The following RNF41 variants were observed in gnomAD, a reference collection of about 807,000 sequenced individuals.
The protein encoded by RNF41 is ring finger protein 41, also known as E3 ubiquitin-protein ligase NRDP1.
A neutral mutation model predicts 33.0 loss-of-function variants in RNF41; 4 were observed. The observed-to-expected ratio is 0.12, with a 90% CI of 0.06 to 0.28. The LOEUF (loss-of-function observed/expected upper bound fraction) is 0.28. Ranked by LOEUF, RNF41 falls within the 10% of genes least tolerant of loss-of-function variation. The pLI, the probability that RNF41 is intolerant of heterozygous loss-of-function variation, is 1.00. For synonymous variants in RNF41, 164 were observed against 153.2 expected, an observed-to-expected ratio of 1.07 and a Z score of -0.52; for missense variants, 228 against 432.6, an observed-to-expected ratio of 0.53 and a Z score of 4.19.
In RNF41 at chr12:56,206,312, GC is replaced by G. The variant is rs1868263887; in HGVS notation, c.*134del. The G allele has an allele frequency of 1.3e-6, 1 of 796,222 alleles. No homozygotes were observed. Among genetic ancestry groups the G allele is most frequent in the African/African-American group, 1.7e-5 (1 of 58,194 alleles). 49.3% of individuals were successfully genotyped at this position (796,222 alleles called of 1,614,324 possible). A position where few individuals can be genotyped will look rare whatever the true frequency, so the allele number is the denominator to read the frequency against. The stretch of plus-strand genomic sequence containing the variant: ...GCAAACTACCCCAAGGCCCTTCAGT[GC>G]CAGAAGGGCAGGGAGATGTGTGGCT... On this transcript the variant is annotated 3_prime_UTR_variant, in exon 7 of 7. Coordinates refer to ENST00000345093, the MANE Select transcript of RNF41 (RefSeq NM_005785.4). This position sits in a 1 kb window ranked among gnomAD's most constrained non-coding sequence, Gnocchi z 5.7.
rs1868264524 is a variant in RNF41 at position 56,206,380 on chromosome 12, G to A, written c.*67C>T. 2.2e-6 allele frequency: 3 copies of A among 1,342,768 alleles called. No homozygotes were observed. The highest frequency in any genetic ancestry group is 1.0e-6 in the Non-Finnish European group (1 of 960,104). The allele number at this position is 1,342,768 out of a possible 1,614,324, so 83.2% of individuals were successfully genotyped here. On this transcript the variant is annotated 3_prime_UTR_variant, in exon 7 of 7. Transcript: ENST00000345093. This position sits in a 1 kb window ranked among gnomAD's most constrained non-coding sequence, Gnocchi z 5.7. Reference sequence around the variant, plus strand: ...TATTAAGAATGGTGGGTAGGACTCAGGTCCCAGCTGCTGGAGTGATGGGAT... The same window carrying A: ...TATTAAGAATGGTGGGTAGGACTCAAGTCCCAGCTGCTGGAGTGATGGGAT...
At chr12:56,218,006 T>C (rs1419133877) in intron 1 of RNF41, among the ~76,000 whole-genome samples, 1 of 152,092 alleles carries the variant, frequency 6.6e-6, no homozygotes, top group Non-Finnish European at 1.5e-5. Flanking sequence ...TAGGCTAGAG[T>C]GCAATGGCGC....
Position 56,207,752 on chromosome 12 carries a change from G to A in RNF41, c.499-3C>T. On this transcript the variant is annotated splice_region_variant and splice_polypyrimidine_tract_variant and intron_variant, in intron 5 of 6. Transcript: ENST00000345093. Reference sequence around the variant, plus strand: ...TTTAGCAGCTGGATGTCTCGCTTCTGTTGTGGGGAAGAAGAACAGGAATAA... The same window carrying A: ...TTTAGCAGCTGGATGTCTCGCTTCTATTGTGGGGAAGAAGAACAGGAATAA... 6.2e-7 allele frequency: 1 copy of A among 1,611,426 alleles called. No homozygotes were observed.
intron 5 of RNF41, 112 bp downstream of exon 5, chr12:56,208,051 G>C: frequency 2.3e-6 from 3 of 1,299,356 alleles, no homozygotes; most frequent in Non-Finnish European, 3.3e-6. Flanking sequence ...CACTCATCTA[G>C]GCTCACAAGT....
At chr12:56,212,350 T>G (rs1868544539) in intron 3 of RNF41, among the ~76,000 whole-genome samples, 2 of 152,322 alleles carry the variant, frequency 1.3e-5, no homozygotes, top group Non-Finnish European at 1.5e-5. Context: ...AATTATGATG[T>G]GGGGAAATCA....
intron 3 of RNF41, among the ~76,000 whole-genome samples, chr12:56,211,575 G>T (rs1049629154): frequency 6.6e-6 from 1 of 152,022 alleles, no homozygotes; most frequent in African/African-American, 2.4e-5. Context: ...GCTCAATCAC[G>T]GCAGGTATTT....
chr12:56,210,315 G>T lies in RNF41; in HGVS notation c.344C>A (p.Thr115Asn), dbSNP rs1333039606. ...DCEHNPKRPV[T>N]CEQGCGLEMP... ...ATCTCACCCACAGCCCTGTTCACAG[G>T]TCACAGGCCGCTTCGGGTTGTGCTC... Residue 115 changes from threonine to asparagine, a missense_variant, in exon 4 of 7, where the codon ACC (threonine) becomes AAC (asparagine). Transcript: ENST00000345093. 6.2e-7 allele frequency: 1 copy of T among 1,613,774 alleles called. No individual in the cohort carries two copies. Among genetic ancestry groups the T allele is most frequent in the Non-Finnish European group, 8.5e-7 (1 of 1,179,676 alleles).
chr12:56,207,604 T>G (rs1306552786), intron 6 of RNF41, 42 bp downstream of exon 6: 1 of 1,424,912 alleles, frequency 7.0e-7, no homozygotes, highest in Admixed American at 1.7e-5. Context: ...CAGGCCTTGT[T>G]GTCAGGACAT....
In RNF41 at chr12:56,207,323, C is replaced by T. The variant is rs1467469978; in HGVS notation, c.602+323G>A. 6.1e-6 allele frequency: 8 copies of T among 1,312,246 alleles called. No homozygotes were observed. In the Admixed American group the frequency reaches 1.3e-4, roughly 22 times the overall value. The allele number at this position is 1,312,246 out of a possible 1,614,324, so 81.3% of individuals were successfully genotyped here. On this transcript the variant is annotated intron_variant, in intron 6 of 6. Transcript: ENST00000345093. ...GGTTGTAAGCTACCTGAAGACAGGACGATATCTTCTATTTCTTTTTGGCCC... is the reference window on the plus strand; with the variant it reads ...GGTTGTAAGCTACCTGAAGACAGGATGATATCTTCTATTTCTTTTTGGCCC...
chr12:56,206,927 T>A lies in RNF41; in HGVS notation c.603-129A>T, dbSNP rs970541998. The stretch of plus-strand genomic sequence containing the variant: ...TATTCTTCCTTCTTTCCTTCCATCA[T>A]TGGCTCAGAAACCCCAAATCTTTCC... On this transcript the variant is annotated intron_variant, in intron 6 of 6. Transcript: ENST00000345093. The surrounding 1 kb of genome is among the most constrained non-coding windows in gnomAD (Gnocchi z 5.7). 3.2e-6 allele frequency: 3 copies of A among 938,916 alleles called. 1 individual carries two copies. The South Asian group carries it at 5.3e-5, about 17-fold the overall frequency. The allele number at this position is 938,916 out of a possible 1,614,324, so 58.2% of individuals were successfully genotyped here.
chr12:56,211,915 T>G (rs983770835), intron 3 of RNF41, among the ~76,000 whole-genome samples: 1 of 152,048 alleles, frequency 6.6e-6, no homozygotes, highest in Non-Finnish European at 1.5e-5. Context: ...GAGCTTGCAG[T>G]GAGCCAAGAT....
intron 1 of RNF41, among the ~76,000 whole-genome samples, chr12:56,221,162 C>T (rs1869386261): frequency 1.3e-5 from 2 of 152,110 alleles, no homozygotes; most frequent in African/African-American, 4.8e-5. Flanking sequence ...ACCCAATTTC[C>T]CAAAGTCCTG....
chr12:56,206,859 T>A lies in RNF41; in HGVS notation c.603-61A>T. On this transcript the variant is annotated intron_variant, in intron 6 of 6. Transcript: ENST00000345093. The surrounding 1 kb of genome is among the most constrained non-coding windows in gnomAD (Gnocchi z 5.7). ...CATCTCCTTTCTCTGTATTGGCTTT[T>A]TCTGCTAATAGAAATAACTACCCAC... is the stretch of plus-strand genomic sequence containing the variant. The A allele has an allele frequency of 7.9e-7, 1 of 1,261,996 alleles. No individual in the cohort carries two copies. The highest frequency in any genetic ancestry group is 1.1e-6 in the Non-Finnish European group (1 of 907,254). The allele number at this position is 1,261,996 out of a possible 1,614,324, so 78.2% of individuals were successfully genotyped here. A position where few individuals can be genotyped will look rare whatever the true frequency, so the allele number is the denominator to read the frequency against.
At chr12:56,218,688 A>G (rs1212314196) in intron 1 of RNF41, among the ~76,000 whole-genome samples, 1 of 148,592 alleles carries the variant, frequency 6.7e-6, no homozygotes, top group African/African-American at 2.4e-5. Context: ...TAATATATAC[A>G]TATTTATTAT....
rs1868264688 is a variant in RNF41, at chr12:56,206,392, T to A, written c.*55A>T. On this transcript the variant is annotated 3_prime_UTR_variant, in exon 7 of 7. Transcript: ENST00000345093. This position sits in a 1 kb window ranked among gnomAD's most constrained non-coding sequence, Gnocchi z 5.7. ...TGGGTAGGACTCAGGTCCCAGCTGC[T>A]GGAGTGATGGGATTTTCTGATTTCC... The A allele has an allele frequency of 2.1e-6, 3 of 1,450,352 alleles. No homozygotes were observed. The South Asian group carries it at 3.8e-5, about 18-fold the overall frequency. The allele number at this position is 1,450,352 out of a possible 1,614,324, so 89.8% of individuals were successfully genotyped here. A position where few individuals can be genotyped will look rare whatever the true frequency, so the allele number is the denominator to read the frequency against.
At position 56,215,227 on chromosome 12, in the gene RNF41, G is replaced by A. The variant is rs780792583; in HGVS notation, c.-23-1157C>T. Among the ~76,000 whole-genome samples the A allele has an allele frequency of 3.0e-4, 45 of 152,352 alleles. 2 individuals are homozygous for A. Among genetic ancestry groups the A allele is most frequent in the Non-Finnish European group, 8.8e-5 (6 of 68,034 alleles). The stretch of plus-strand genomic sequence containing the variant: ...TGGAGAGGCAAGCAAGGGCCATGCT[G>A]TGAAAAGTCTGTGAGGATTTTGGAC... On this transcript the variant is annotated intron_variant, in intron 2 of 6. Transcript: ENST00000345093.
At chr12:56,215,500 C>A (rs1357964404) in intron 2 of RNF41, among the ~76,000 whole-genome samples, 1 of 151,766 alleles carries the variant, frequency 6.6e-6, no homozygotes, top group South Asian at 2.1e-4. Context: ...GCAGACGGAT[C>A]ATGAGGTCAA....
Position 56,206,588 on chromosome 12 carries a change from G to A in RNF41, c.813C>T (p.Tyr271=), listed in dbSNP as rs768400665. 9.3e-6 allele frequency: 15 copies of A among 1,614,058 alleles called. 1 individual carries two copies. The East Asian group carries it at 3.3e-4, about 36-fold the overall frequency. Residue 271 remains tyrosine (Y), a synonymous_variant, in exon 7 of 7, where the codon TAC becomes TAT. Coordinates refer to ENST00000345093, the MANE Select transcript of RNF41 (RefSeq NM_005785.4). The surrounding 1 kb of genome is among the most constrained non-coding windows in gnomAD (Gnocchi z 5.7). Reference sequence around the variant, plus strand: ...TGCGCTTGGCCACGTAGTTCTCATAGTAGCGTCGGTTCATCTGTCTAGTCT... The same window carrying A: ...TGCGCTTGGCCACGTAGTTCTCATAATAGCGTCGGTTCATCTGTCTAGTCT... The part of the protein sequence containing the change: ...TLETRQMNRR[Y]YENYVAKRIP...
At chr12:56,215,748 A>G (rs915181523) in intron 2 of RNF41, among the ~76,000 whole-genome samples, 9 of 151,040 alleles carry the variant, frequency 6.0e-5, no homozygotes, top group African/African-American at 2.0e-4. Flanking sequence ...AGAGAGGTCC[A>G]AAAGAGCAAG....
Sources: allele counts gnomAD v4.1 joint callset (sites outside exome capture counted in the v4.1 genomes callset), GRCh38; gene constraint gnomAD v4.1.1; non-coding constraint Gnocchi (gnomAD v3.1); transcripts MANE v1.5; gene names NCBI Gene and HGNC (gene_info 2026-07-23, HGNC 2026-07-21).